The following MACC1 variants were observed in gnomAD, a reference collection of about 807,000 sequenced individuals.
The protein encoded by MACC1 is MET transcriptional regulator MACC1.
Under a neutral mutation model 70.7 loss-of-function variants are expected in MACC1, and 79 were observed. That is an observed-to-expected ratio of 1.12 (90% CI 0.93 to 1.35). The LOEUF (loss-of-function observed/expected upper bound fraction) is 1.35. MACC1 is among the 40% of genes most tolerant of loss of function. MACC1 has a pLI of 0.00. For missense variants in MACC1, 1,106 were observed against 978.1 expected, an observed-to-expected ratio of 1.13 and a Z score of -1.74; for synonymous variants, 361 against 347.2, an observed-to-expected ratio of 1.04 and a Z score of -0.44.
intron 1 of MACC1, among the ~76,000 whole-genome samples, chr7:20,190,711 T>C (rs1320417935): frequency 6.6e-6 from 1 of 152,208 alleles, no homozygotes; most frequent in Non-Finnish European, 1.5e-5. Flanking sequence ...ACAAGCTCTT[T>C]TCCTAATAAC....
At chr7:20,170,081 A>T (rs1029119098) in intron 2 of MACC1, 3 of 152,246 alleles carry the variant, frequency 2.0e-5, no homozygotes, top group Non-Finnish European at 4.4e-5. Flanking sequence ...TTCCTGCCAA[A>T]AGAGTGACTG....
intron 2 of MACC1, 70 bp from the exon 3 acceptor site, chr7:20,164,469 G>A (rs1054889266): frequency 6.6e-6 from 1 of 152,094 alleles, no homozygotes; most frequent in African/African-American, 2.4e-5. Context: ...AAAAGAAAAG[G>A]AAAAGGAGGG....
rs1180776889 is a variant in MACC1, at chr7:20,138,857, A to T, written c.*2089T>A. ...CCGGCTAATTTTTTGTATTTTTAGTAGAGACGGGGTTTCACCGCGTTAGCC... is the reference window on the plus strand; with the variant it reads ...CCGGCTAATTTTTTGTATTTTTAGTTGAGACGGGGTTTCACCGCGTTAGCC... On this transcript the variant is annotated 3_prime_UTR_variant, in exon 7 of 7. Coordinates refer to ENST00000400331, the MANE Select transcript of MACC1 (RefSeq NM_182762.4). 3 of 152,160 alleles carry T rather than the reference A, an allele frequency of 2.0e-5. No homozygotes were observed. The highest frequency in any genetic ancestry group is 2.9e-5 in the Non-Finnish European group (2 of 68,036). The allele number at this position is 152,160 out of a possible 1,614,324, so 9.4% of individuals were successfully genotyped here.
intron 1 of MACC1, among the ~76,000 whole-genome samples, chr7:20,193,909 T>C (rs547200857): frequency 1.3e-5 from 2 of 152,226 alleles, no homozygotes; most frequent in South Asian, 4.1e-4. Flanking sequence ...CACACACCTT[T>C]AAGAAGCCAT....
At chr7:20,204,830 A>G (rs189117505) in intron 1 of MACC1, among the ~76,000 whole-genome samples, 134 of 152,356 alleles carry the variant, frequency 8.8e-4, no homozygotes, top group African/African-American at 3.1e-3. Flanking sequence ...TTGATATTCT[A>G]AAAGAAGTAA....
At position 20,136,487 on chromosome 7, in the gene MACC1, C is replaced by T. The variant is rs1363878107; in HGVS notation, c.*4459G>A. On this transcript the variant is annotated 3_prime_UTR_variant, in exon 7 of 7. Coordinates refer to ENST00000400331, the MANE Select transcript of MACC1 (RefSeq NM_182762.4). ...GTAAAATATACATGCAAAAGATACACATTTCTACAATGTTCAGTGAAATCT... is the reference window on the plus strand; with the variant it reads ...GTAAAATATACATGCAAAAGATACATATTTCTACAATGTTCAGTGAAATCT... 1 of 152,184 alleles carries T rather than the reference C, an allele frequency of 6.6e-6. No individual in the cohort carries two copies. Among genetic ancestry groups the T allele is most frequent in the Non-Finnish European group, 1.5e-5 (1 of 68,032 alleles). 9.4% of individuals were successfully genotyped at this position (152,184 alleles called of 1,614,324 possible). A position where few individuals can be genotyped will look rare whatever the true frequency, so the allele number is the denominator to read the frequency against.
At chr7:20,193,524 T>G in intron 1 of MACC1, among the ~76,000 whole-genome samples, 1 of 152,222 alleles carries the variant, frequency 6.6e-6, no homozygotes, top group South Asian at 2.1e-4. Flanking sequence ...CAATTCTCAT[T>G]TCTCATCTAA....
In MACC1 at chr7:20,159,159, G is replaced by C; in HGVS notation, c.1202C>G (p.Thr401Arg). 1.2e-6 allele frequency: 2 copies of C among 1,613,972 alleles called. No individual in the cohort carries two copies. Among genetic ancestry groups the C allele is most frequent in the Non-Finnish European group, 1.7e-6 (2 of 1,180,002 alleles). The stretch of plus-strand genomic sequence containing the variant: ...TCCACCCTTCTTAATATCAGAAATT[G>C]TAAGCTGTCCTGGCATATAATTGTG... ...CGHNYMPGQL[T>R]ISDIKKGGKN... The change falls in exon 5 of 7, where the codon ACA becomes AGA. Residue 401 changes from threonine to arginine, a missense_variant. By Grantham distance (71) the Thr-to-Arg change is moderately conservative. Coordinates refer to ENST00000400331, the MANE Select transcript of MACC1 (RefSeq NM_182762.4).
chr7:20,199,456 C>G (rs1782802363), intron 1 of MACC1, among the ~76,000 whole-genome samples: 2 of 152,232 alleles, frequency 1.3e-5, no homozygotes, highest in African/African-American at 4.8e-5. Flanking sequence ...CAGAAGAAAG[C>G]AGCGAAGCAC....
chr7:20,172,540 CTT>C (rs1782324968), intron 1 of MACC1, among the ~76,000 whole-genome samples: 1 of 152,028 alleles, frequency 6.6e-6, no homozygotes, highest in South Asian at 2.1e-4. Context: ...ATAGGAATGA[CTT>C]TAATTTCATG....
intron 1 of MACC1, among the ~76,000 whole-genome samples, chr7:20,182,992 T>C (rs937719623): frequency 2.0e-5 from 3 of 152,186 alleles, no homozygotes; most frequent in Non-Finnish European, 4.4e-5. Context: ...ACGAGTGGGG[T>C]AGCCTGAATT....
At chr7:20,175,925 G>T (rs1362691744) in intron 1 of MACC1, among the ~76,000 whole-genome samples, 8 of 152,082 alleles carry the variant, frequency 5.3e-5, no homozygotes, top group Non-Finnish European at 2.9e-5. Context: ...AGGCTACAAA[G>T]AAAAGACAAC....
At chr7:20,204,330 A>G (rs1017144157) in intron 1 of MACC1, among the ~76,000 whole-genome samples, 1 of 151,934 alleles carries the variant, frequency 6.6e-6, no homozygotes, top group East Asian at 1.9e-4. Context: ...AATTTTTTGT[A>G]TTTTTAGTAG....
At chr7:20,171,684 CA>C (rs1207611242) in intron 1 of MACC1, among the ~76,000 whole-genome samples, 1 of 151,500 alleles carries the variant, frequency 6.6e-6, no homozygotes, top group Non-Finnish European at 1.5e-5. Context: ...CAGGTTCAAG[CA>C]ATTCTTCTGC....
chr7:20,161,598 G>T lies in MACC1; in HGVS notation c.115+150C>A. 1.1e-5 allele frequency: 6 copies of T among 525,764 alleles called. No individual in the cohort carries two copies. The East Asian group carries it at 1.2e-4, about 11-fold the overall frequency. 32.6% of individuals were successfully genotyped at this position (525,764 alleles called of 1,614,324 possible). On this transcript the variant is annotated intron_variant, in intron 4 of 6. Transcript: ENST00000400331. Reference sequence around the variant, plus strand: ...TCTGTTGGCTGTGCTATTTTATTTTGCACATCTTTTTAACTATTTCTATGA... The same window carrying T: ...TCTGTTGGCTGTGCTATTTTATTTTTCACATCTTTTTAACTATTTCTATGA...
rs113752619 is a variant in MACC1 at position 20,179,678 on chromosome 7, G to GTT, written c.-217-8902_-217-8901dup. Among the ~76,000 whole-genome samples the GTT allele has an allele frequency of 1.4e-3, 218 of 151,816 alleles. 1 individual carries two copies. Among genetic ancestry groups the GTT allele is most frequent in the African/African-American group, 4.9e-3 (204 of 41,402 alleles). On this transcript the variant is annotated intron_variant, in intron 1 of 6. Coordinates refer to ENST00000400331, the MANE Select transcript of MACC1 (RefSeq NM_182762.4). The stretch of plus-strand genomic sequence containing the variant: ...CACACAGAAGCCAGCAGGAGTTGTT[G>GTT]TTTTTTTTGTTTTTTGTTTTTTGTT...
At position 20,140,948 on chromosome 7, in the gene MACC1, A is replaced by G. The variant is rs1055666592; in HGVS notation, c.2557T>C (p.Ter853GlnextTer7). ...CATCAAAAACACACGCTTTGTTTCT[A>G]TACTTCCTCAGAAGTGGAGAATGCA... ...VTAFSTSEEV[*>Q] is the part of the protein sequence containing the mutation. Residue 853 changes from the stop codon to glutamine (Q), a stop_lost, in exon 7 of 7, where the codon TAG (stop) becomes CAG (glutamine). Transcript: ENST00000400331. 3 of 1,609,862 alleles carry G rather than the reference A, an allele frequency of 1.9e-6. No individual in the cohort carries two copies. Among genetic ancestry groups the G allele is most frequent in the African/African-American group, 1.3e-5 (1 of 74,736 alleles).
intron 1 of MACC1, among the ~76,000 whole-genome samples, chr7:20,177,077 C>T (rs1200164407): frequency 1.3e-5 from 2 of 152,056 alleles, no homozygotes; most frequent in Non-Finnish European, 2.9e-5. Flanking sequence ...TGTCAATTTC[C>T]TGGTTTTGAT....
chr7:20,192,436 C>T (rs1025515051), intron 1 of MACC1, among the ~76,000 whole-genome samples: 3 of 152,188 alleles, frequency 2.0e-5, no homozygotes, highest in Non-Finnish European at 2.9e-5. Flanking sequence ...AAGATCGTCA[C>T]GCTGGAGAGA....
Sources: gnomAD v4.1 joint callset for allele counts (sites outside exome capture counted in the v4.1 genomes callset) on GRCh38, gnomAD v4.1.1 for gene constraint, MANE v1.5 for transcripts, NCBI Gene and HGNC (gene_info 2026-07-23, HGNC 2026-07-21) for gene names.